The following PPP2R1A variants were observed in gnomAD, a reference collection of about 807,000 sequenced individuals.
PPP2R1A encodes the protein protein phosphatase 2 scaffold subunit Aalpha.
A neutral mutation model predicts 67.1 loss-of-function variants in PPP2R1A; 15 were observed. The observed-to-expected ratio is 0.22, with a 90% CI of 0.15 to 0.34. The LOEUF (loss-of-function observed/expected upper bound fraction) is 0.34. PPP2R1A is among the 10% of genes least tolerant of loss of function. The probability of loss-of-function intolerance (pLI) is 1.00; values close to 1 mark genes in which losing one functional copy is unlikely to be tolerated. For missense variants in PPP2R1A, 369 were observed against 775.0 expected, an observed-to-expected ratio of 0.48 and a Z score of 6.22; for synonymous variants, 337 against 325.0, an observed-to-expected ratio of 1.04 and a Z score of -0.40.
At chr19:52,210,587 G>T (rs2089657594) in intron 3 of PPP2R1A, among the ~76,000 whole-genome samples, 1 of 151,524 alleles carries the variant, frequency 6.6e-6, no homozygotes, top group South Asian at 2.1e-4. Context: ...CTGCCTCCCG[G>T]GTTCAAGGAT....
intron 11 of PPP2R1A, 23 bp from the exon 12 acceptor site, chr19:52,220,956 C>G: frequency 1.2e-6 from 2 of 1,613,502 alleles, no homozygotes; most frequent in South Asian, 1.1e-5. Context: ...ATCCCTGTCT[C>G]TCTCACCCTC....
At chr19:52,218,794 A>G (rs1291189021) in intron 9 of PPP2R1A, among the ~76,000 whole-genome samples, 1 of 152,132 alleles carries the variant, frequency 6.6e-6, no homozygotes, top group Admixed American at 6.6e-5. Flanking sequence ...ACGTGCTGCA[A>G]GTGCGCTAGG....
intron 9 of PPP2R1A, among the ~76,000 whole-genome samples, chr19:52,218,117 G>T (rs73935040): frequency 0.043 from 6,537 of 152,234 alleles, 182 homozygotes; most frequent in African/African-American, 0.076. Flanking sequence ...TTTTGCCTTG[G>T]TGGTGAAAAA....
chr19:52,197,975 C>G (rs1011193281), intron 1 of PPP2R1A, among the ~76,000 whole-genome samples: 2 of 152,156 alleles, frequency 1.3e-5, no homozygotes, highest in African/African-American at 4.8e-5. Context: ...ATCAGTGGAC[C>G]AGCTGCCACG....
intron 13 of PPP2R1A, among the ~76,000 whole-genome samples, chr19:52,224,351 T>G (rs921848155): frequency 3.1e-4 from 47 of 152,322 alleles, no homozygotes; most frequent in African/African-American, 1.1e-3. Context: ...GCCCCATAGA[T>G]GAGAGTGGAT....
chr19:52,193,050 C>G (rs561819373), intron 1 of PPP2R1A, among the ~76,000 whole-genome samples: 2 of 152,360 alleles, frequency 1.3e-5, no homozygotes, highest in South Asian at 2.1e-4. Context: ...GGTGCTTGCT[C>G]TATGTTAGGT....
chr19:52,205,171 G>A (rs1376563291), intron 2 of PPP2R1A, among the ~76,000 whole-genome samples: 1 of 152,242 alleles, frequency 6.6e-6, no homozygotes, highest in Non-Finnish European at 1.5e-5. Context: ...GGAGGTTTAA[G>A]TGCCAATAGA....
intron 1 of PPP2R1A, chr19:52,191,196 C>A: frequency 6.6e-6 from 1 of 152,326 alleles, no homozygotes. Flanking sequence ...TGAGGTGACC[C>A]AAGGCTCTGA....
intron 9 of PPP2R1A, among the ~76,000 whole-genome samples, chr19:52,217,975 G>A (rs1178608035): frequency 6.6e-6 from 1 of 152,184 alleles, no homozygotes; most frequent in Non-Finnish European, 1.5e-5. Flanking sequence ...CAGCAGCAGT[G>A]TAGGCAGACC....
In PPP2R1A at chr19:52,212,967, C is replaced by T. The variant is rs2089686255; in HGVS notation, c.664C>T (p.Leu222=). ...CTCCTCTCCCTAGGACTCGGTGCGG[C>T]TGCTGGCGGTGGAGGCGTGCGTGAA... ...LASDEQDSVR[L]LAVEACVNIA... The change falls in exon 6 of 15, where the codon CTG becomes TTG. Residue 222 remains leucine (L), a synonymous_variant. Transcript: ENST00000322088. The surrounding 1 kb of genome is among the most constrained non-coding windows in gnomAD (Gnocchi z 4.1). The T allele has an allele frequency of 6.2e-7, 1 of 1,600,166 alleles. No individual in the cohort carries two copies. Among genetic ancestry groups the T allele is most frequent in the Non-Finnish European group, 8.5e-7 (1 of 1,173,390 alleles).
chr19:52,195,015 G>A (rs2089485283), intron 1 of PPP2R1A, among the ~76,000 whole-genome samples: 1 of 152,180 alleles, frequency 6.6e-6, no homozygotes, highest in Non-Finnish European at 1.5e-5. Context: ...CAGTAGACTA[G>A]GGTCAGATTG....
chr19:52,219,652 G>C lies in PPP2R1A; in HGVS notation c.1129-39G>C. Reference sequence around the variant, plus strand: ...TCCATCCTGTCCTGGGTTGCTGTGTGCATTGCATTCTCTCAGAATCCTTCT... The same window carrying C: ...TCCATCCTGTCCTGGGTTGCTGTGTCCATTGCATTCTCTCAGAATCCTTCT... On this transcript the variant is annotated intron_variant, in intron 9 of 14. Coordinates refer to ENST00000322088, the MANE Select transcript of PPP2R1A (RefSeq NM_014225.6). The surrounding 1 kb of genome is among the most constrained non-coding windows in gnomAD (Gnocchi z 4.0). 1 of 1,573,546 alleles carries C rather than the reference G, an allele frequency of 6.4e-7. No individual in the cohort carries two copies. The highest frequency in any genetic ancestry group is 2.3e-5 in the East Asian group (1 of 44,358).
At chr19:52,201,403 T>C (rs2089547616) in intron 1 of PPP2R1A, 1 of 152,352 alleles carries the variant, frequency 6.6e-6, no homozygotes, top group Admixed American at 6.5e-5. Flanking sequence ...AATCCTGGCT[T>C]TAAATCCTGC....
chr19:52,191,405 G>C (rs112788807), intron 1 of PPP2R1A: 1 of 152,228 alleles, frequency 6.6e-6, no homozygotes, highest in African/African-American at 2.4e-5. Context: ...AATGGTGTCA[G>C]GCCTGTTGTA....
intron 13 of PPP2R1A, among the ~76,000 whole-genome samples, chr19:52,224,137 G>T (rs946875241): frequency 2.6e-5 from 4 of 152,190 alleles, no homozygotes; most frequent in Non-Finnish European, 5.9e-5. Context: ...TCAGAAACAG[G>T]CAGAATGAAG....
chr19:52,204,459 G>A (rs907141567), intron 2 of PPP2R1A, among the ~76,000 whole-genome samples: 2 of 152,154 alleles, frequency 1.3e-5, no homozygotes, highest in African/African-American at 4.8e-5. Flanking sequence ...TAGTTTGGGA[G>A]GGTTGACAGG....
At position 52,205,894 on chromosome 19, in the gene PPP2R1A, T is replaced by C. The variant is rs867877000; in HGVS notation, c.170-69T>C. On this transcript the variant is annotated intron_variant, in intron 2 of 14. Transcript: ENST00000322088. ...GCCTGAGGAAGCAGAATGGAGTCCA[T>C]GTGTTCTGAGCTTGGGCTGGGGTCA... 7.0e-6 allele frequency: 9 copies of C among 1,280,222 alleles called. No individual in the cohort carries two copies. The Middle Eastern group carries it at 1.3e-3, about 187-fold the overall frequency. 79.3% of individuals were successfully genotyped at this position (1,280,222 alleles called of 1,614,324 possible). A position where few individuals can be genotyped will look rare whatever the true frequency, so the allele number is the denominator to read the frequency against.
intron 1 of PPP2R1A, 101 bp downstream of exon 1, chr19:52,190,275 G>C (rs950344188): frequency 6.7e-6 from 9 of 1,344,554 alleles, no homozygotes; most frequent in African/African-American, 1.5e-5. Context: ...AGTGGCGGAA[G>C]GGGGCGACGG....
intron 9 of PPP2R1A, among the ~76,000 whole-genome samples, chr19:52,218,501 C>G (rs548899836): frequency 1.3e-5 from 2 of 151,998 alleles, no homozygotes; most frequent in Non-Finnish European, 2.9e-5. Flanking sequence ...CAGTTAATTA[C>G]GTCAGTTGCT....
Sources: allele counts gnomAD v4.1 joint callset (sites outside exome capture counted in the v4.1 genomes callset), GRCh38; gene constraint gnomAD v4.1.1; non-coding constraint Gnocchi (gnomAD v3.1); transcripts MANE v1.5; gene names NCBI Gene and HGNC (gene_info 2026-07-23, HGNC 2026-07-21).